ADGRL2: variants seen among roughly 807,000 people sequenced by gnomAD.
ADGRL2 encodes the protein adhesion G protein-coupled receptor L2, also known as calcium-independent alpha-latrotoxin receptor 2.
ADGRL2 carries 44 observed loss-of-function variants against 157.4 expected under a neutral mutation model. The ratio of observed to expected loss-of-function variants is 0.28; its 90% CI spans 0.22 to 0.36. ADGRL2 has a LOEUF of 0.36. Among genes scored for constraint, ADGRL2 ranks in the 10% least tolerant of loss-of-function variants. The pLI is 1.00. For missense variants in ADGRL2, 1,510 were observed against 1,768.9 expected (o/e 0.85, Z 2.63); for synonymous variants, 585 against 624.7 (o/e 0.94, Z 0.95).
chr1:81,742,255 T>C (rs1055127959), intron 1 of ADGRL2, among the ~76,000 whole-genome samples: 1 of 151,998 alleles, frequency 6.6e-6, no homozygotes, highest in African/African-American at 2.4e-5. Context: ...ACATATGAAA[T>C]ATAATTTGTT....
At chr1:81,602,159 T>C (rs1054327399) in intron 3 of ADGRL2, among the ~76,000 whole-genome samples, 7 of 152,320 alleles carry the variant, frequency 4.6e-5, no homozygotes, top group Non-Finnish European at 7.3e-5. Flanking sequence ...ATTGGAGATA[T>C]TAAAATGAAG....
intron 2 of ADGRL2, among the ~76,000 whole-genome samples, chr1:81,482,075 A>G (rs562975258): frequency 3.9e-5 from 6 of 152,308 alleles, no homozygotes; most frequent in African/African-American, 1.2e-4. Context: ...CCAAGGTTAA[A>G]AGTTGCCTTG....
At chr1:81,493,554 G>A (rs1385003855) in intron 2 of ADGRL2, among the ~76,000 whole-genome samples, 1 of 152,140 alleles carries the variant, frequency 6.6e-6, no homozygotes, top group Non-Finnish European at 1.5e-5. Context: ...TCTTCCCGTT[G>A]TTGGGATATT....
In ADGRL2 at chr1:81,992,294, A is replaced by C. The variant is rs1664705056; in HGVS notation, c.*1149A>C. On this transcript the variant is annotated 3_prime_UTR_variant, in exon 24 of 24. Transcript: ENST00000686636. ...TATGATAAAGTTCTAATGAAATGTAAATTGTTTCAGCAAAATTCTGCTTTT... is the reference window on the plus strand; with the variant it reads ...TATGATAAAGTTCTAATGAAATGTACATTGTTTCAGCAAAATTCTGCTTTT... 1 of 152,576 alleles carries C rather than the reference A, an allele frequency of 6.6e-6. No individual in the cohort carries two copies. The highest frequency in any genetic ancestry group is 1.5e-5 in the Non-Finnish European group (1 of 68,028). The allele number at this position is 152,576 out of a possible 1,614,324, so 9.5% of individuals were successfully genotyped here. A position where few individuals can be genotyped will look rare whatever the true frequency, so the allele number is the denominator to read the frequency against.
intron 2 of ADGRL2, among the ~76,000 whole-genome samples, chr1:81,849,962 T>G (rs774342622): frequency 7.9e-5 from 12 of 151,936 alleles, no homozygotes; most frequent in South Asian, 2.1e-4. Context: ...ATTTATGGAT[T>G]TGAAATGCTA....
chr1:81,493,482 C>T (rs1448616983), intron 2 of ADGRL2, among the ~76,000 whole-genome samples: 1 of 152,106 alleles, frequency 6.6e-6, no homozygotes, highest in East Asian at 1.9e-4. Context: ...ATTTTTAGGC[C>T]TATTTCTCAA....
At chr1:81,788,014 C>T (rs1446610052) in intron 2 of ADGRL2, among the ~76,000 whole-genome samples, 3 of 152,154 alleles carry the variant, frequency 2.0e-5, no homozygotes, top group Non-Finnish European at 2.9e-5. Flanking sequence ...GTGAAAGATA[C>T]AGTCCTCTTG....
intron 1 of ADGRL2, among the ~76,000 whole-genome samples, chr1:81,325,839 G>A (rs985625757): frequency 2.0e-5 from 3 of 152,050 alleles, no homozygotes; most frequent in African/African-American, 4.8e-5. Context: ...CAACCCCAAG[G>A]CTCACAGTAC....
chr1:81,354,331 A>G (rs1181260747), intron 1 of ADGRL2, among the ~76,000 whole-genome samples: 1 of 152,226 alleles, frequency 6.6e-6, no homozygotes, highest in Non-Finnish European at 1.5e-5. Flanking sequence ...TTCTTCCCCT[A>G]CAGCCAGAAT....
chr1:81,338,659 T>C (rs1247797852), intron 1 of ADGRL2, among the ~76,000 whole-genome samples: 3 of 152,208 alleles, frequency 2.0e-5, no homozygotes, highest in Non-Finnish European at 4.4e-5. Flanking sequence ...AATAATTGCA[T>C]AGTATTCACC....
chr1:81,316,996 A>G (rs1263722427), intron 1 of ADGRL2, among the ~76,000 whole-genome samples: 1 of 152,184 alleles, frequency 6.6e-6, no homozygotes, highest in Non-Finnish European at 1.5e-5. Flanking sequence ...CTAGTGTCCA[A>G]TGCTATCTGT....
At position 81,419,630 on chromosome 1, in the gene ADGRL2, T is replaced by C. The variant is rs533941778; in HGVS notation, c.-301-25406T>C. Among the ~76,000 whole-genome samples the C allele has an allele frequency of 1.3e-4, 20 of 152,316 alleles. No homozygotes were observed. In the South Asian group the frequency reaches 1.4e-3, roughly 11 times the overall value. On this transcript the variant is annotated intron_variant, in intron 1 of 24. Transcript: ENST00000370721. ...TCAAACTTTGGAAAATGCATAAATA[T>C]CTCTAGGACAGTATTTTCAAATGAT...
intron 1 of ADGRL2, among the ~76,000 whole-genome samples, chr1:81,831,829 G>C (rs2091965050): frequency 6.6e-6 from 1 of 152,020 alleles, no homozygotes; most frequent in Non-Finnish European, 1.5e-5. Context: ...TATGTAATAG[G>C]TGCTCAGTAA....
chr1:81,317,154 T>A (rs1358509637), intron 1 of ADGRL2, among the ~76,000 whole-genome samples: 1 of 152,100 alleles, frequency 6.6e-6, no homozygotes, highest in Admixed American at 6.6e-5. Context: ...AAGCTACATA[T>A]GCTGCCAAAC....
chr1:81,403,239 G>A (rs113331022), intron 1 of ADGRL2, among the ~76,000 whole-genome samples: 52 of 29,002 alleles, frequency 1.8e-3, no homozygotes, highest in Non-Finnish European at 0.012. Flanking sequence ...TTTTTTTTTT[G>A]TTGTTGTTTG....
At chr1:81,383,963 A>AAAAAG (rs1553159691) in intron 1 of ADGRL2, among the ~76,000 whole-genome samples, 3,562 of 150,144 alleles carry the variant, frequency 0.024, 135 homozygotes, top group African/African-American at 0.08. Flanking sequence ...CAAAAAAAAA[A>AAAAAG]AAAAGAAAAG....
intron 1 of ADGRL2, among the ~76,000 whole-genome samples, chr1:81,726,534 C>G (rs989135826): frequency 6.6e-6 from 1 of 152,094 alleles, no homozygotes; most frequent in Non-Finnish European, 1.5e-5. Flanking sequence ...TTGGACAGCA[C>G]TAGAGTTGAG....
At chr1:81,919,069 G>T (rs903396859) in intron 3 of ADGRL2, among the ~76,000 whole-genome samples, 3 of 151,918 alleles carry the variant, frequency 2.0e-5, no homozygotes, top group Non-Finnish European at 4.4e-5. Context: ...CATTCCCCTG[G>T]ACATTCACAG....
intron 2 of ADGRL2, among the ~76,000 whole-genome samples, chr1:81,879,292 A>AT (rs2093923434): frequency 6.6e-6 from 1 of 152,102 alleles, no homozygotes; most frequent in South Asian, 2.1e-4. Flanking sequence ...GGAAAAAAAA[A>AT]ATCTCAGAAT....
Sources: allele counts gnomAD v4.1 joint callset (sites outside exome capture counted in the v4.1 genomes callset), GRCh38; gene constraint gnomAD v4.1.1; transcripts MANE v1.5; gene names NCBI Gene and HGNC (gene_info 2026-07-23, HGNC 2026-07-21).